Variants in PDE10A observed in about 807,000 individuals in gnomAD.
PDE10A encodes phosphodiesterase 10A.
A neutral mutation model predicts 97.7 loss-of-function variants in PDE10A; 39 were observed. That is an observed-to-expected ratio of 0.40 (90% CI 0.31 to 0.52). The LOEUF (loss-of-function observed/expected upper bound fraction) is 0.52, where lower values mean the gene tolerates loss of function less well. Ranked by LOEUF, PDE10A falls within the 20% of genes least tolerant of loss-of-function variation. The pLI, the probability that PDE10A is intolerant of heterozygous loss-of-function variation, is 0.56. For missense variants in PDE10A, 731 were observed against 1,047.8 expected (o/e 0.70, Z 4.17); for synonymous variants, 371 against 376.8 (o/e 0.98, Z 0.18).
chr6:165,899,160 A>C (rs962680688), intron 1 of PDE10A, among the ~76,000 whole-genome samples: 2 of 152,226 alleles, frequency 1.3e-5, no homozygotes, highest in Non-Finnish European at 2.9e-5. Context: ...GAATGCAAGC[A>C]TACTAGTTAA....
At chr6:165,486,295 A>G (rs1779913514) in intron 2 of PDE10A, among the ~76,000 whole-genome samples, 1 of 152,234 alleles carries the variant, frequency 6.6e-6, no homozygotes, top group East Asian at 1.9e-4. Context: ...GAATGATTAC[A>G]TATCAGAAAA....
chr6:165,412,050 C>T (rs2128226949), intron 13 of PDE10A, among the ~76,000 whole-genome samples: 1 of 151,708 alleles, frequency 6.6e-6, no homozygotes, highest in East Asian at 1.9e-4. Flanking sequence ...TATTTTTTGA[C>T]ATCTATCAAA....
chr6:165,497,587 C>T (rs1160859452), intron 2 of PDE10A, among the ~76,000 whole-genome samples: 1 of 152,158 alleles, frequency 6.6e-6, no homozygotes, highest in Non-Finnish European at 1.5e-5. Flanking sequence ...GACACAACCA[C>T]GTATATACGA....
chr6:165,463,683 C>CA (rs750596531), intron 3 of PDE10A, among the ~76,000 whole-genome samples: 3 of 151,758 alleles, frequency 2.0e-5, no homozygotes, highest in African/African-American at 4.9e-5. Context: ...AAGCCCCCCC[C>CA]AAAAATCTGG....
chr6:165,459,251 T>C (rs778152769), intron 3 of PDE10A, among the ~76,000 whole-genome samples: 14 of 152,266 alleles, frequency 9.2e-5, no homozygotes, highest in East Asian at 7.7e-4. Context: ...GTCATTTAAT[T>C]TGATGCTCAA....
chr6:165,654,174 C>T (rs1433200461), intron 1 of PDE10A, among the ~76,000 whole-genome samples: 1 of 152,196 alleles, frequency 6.6e-6, no homozygotes, highest in Non-Finnish European at 1.5e-5. Context: ...TCCGATCCCC[C>T]CTGTACACCG....
intron 1 of PDE10A, among the ~76,000 whole-genome samples, chr6:165,797,193 T>C (rs1230036936): frequency 2.0e-5 from 3 of 152,202 alleles, no homozygotes; most frequent in Non-Finnish European, 2.9e-5. Context: ...GTGTGGCTCA[T>C]GGTGTCTCCC....
chr6:165,688,529 G>T (rs1228849853), intron 1 of PDE10A, among the ~76,000 whole-genome samples: 1 of 152,224 alleles, frequency 6.6e-6, no homozygotes, highest in Non-Finnish European at 1.5e-5. Context: ...CATGGGCCCA[G>T]TGGGGCTTCA....
At chr6:165,646,825 C>G (rs1789422697) in intron 1 of PDE10A, among the ~76,000 whole-genome samples, 1 of 152,146 alleles carries the variant, frequency 6.6e-6, no homozygotes, top group African/African-American at 2.4e-5. Flanking sequence ...GAGACAGAAG[C>G]CAACCATTTT....
At chr6:165,987,769 G>A (rs908216825) in exon 1 of PDE10A, 1 of 453,364 alleles carries the variant, frequency 2.2e-6, no homozygotes, top group Non-Finnish European at 4.4e-6. Context: ...AAGGCTTGGG[G>A]CACTCTGGGG....
chr6:165,394,825 T>C (rs1786015767), intron 15 of PDE10A, among the ~76,000 whole-genome samples: 1 of 152,204 alleles, frequency 6.6e-6, no homozygotes, highest in Non-Finnish European at 1.5e-5. Flanking sequence ...CCAGTGATGA[T>C]GAGATTTTTT....
chr6:165,930,278 C>A (rs1177341124), intron 1 of PDE10A, among the ~76,000 whole-genome samples: 2 of 152,216 alleles, frequency 1.3e-5, no homozygotes, highest in Non-Finnish European at 2.9e-5. Flanking sequence ...GCATTCATAG[C>A]CCTTTTCACC....
Position 165,714,129 on chromosome 6 carries a change from A to G in PDE10A, c.-614-170561T>C, listed in dbSNP as rs530761449. 1.1e-4 allele frequency among the ~76,000 whole-genome samples: 16 copies of G among 152,336 alleles called. No individual in the cohort carries two copies. In the South Asian group the frequency reaches 3.3e-3, roughly 32 times the overall value. On this transcript the variant is annotated intron_variant, in intron 1 of 19. Transcript: ENST00000366882. ...CAAAAACCAAAACCAACCAAATGGC[A>G]GGGGTCCCCTATTGCGTATCTGCAT... is the stretch of plus-strand genomic sequence containing the variant.
intron 1 of PDE10A, among the ~76,000 whole-genome samples, chr6:165,620,474 TG>T (rs1259146615): frequency 6.6e-6 from 1 of 152,122 alleles, no homozygotes; most frequent in Non-Finnish European, 1.5e-5. Flanking sequence ...CAGGTCACTG[TG>T]GAAAACCTAG....
At chr6:165,813,986 C>G (rs1035924459) in intron 1 of PDE10A, among the ~76,000 whole-genome samples, 1 of 152,158 alleles carries the variant, frequency 6.6e-6, no homozygotes, top group African/African-American at 2.4e-5. Context: ...ATAGGTTTTG[C>G]TATTGCTGGG....
At chr6:165,362,851 A>G (rs1324374832) in intron 18 of PDE10A, among the ~76,000 whole-genome samples, 1 of 152,184 alleles carries the variant, frequency 6.6e-6, no homozygotes, top group Non-Finnish European at 1.5e-5. Context: ...AATATATAGA[A>G]CAACTATACA....
At chr6:165,744,304 T>C (rs1792796337) in intron 1 of PDE10A, among the ~76,000 whole-genome samples, 1 of 152,158 alleles carries the variant, frequency 6.6e-6, no homozygotes, top group African/African-American at 2.4e-5. Context: ...TAAGAACACA[T>C]AGTAAAGACT....
chr6:165,493,937 A>C (rs985773645), intron 2 of PDE10A, among the ~76,000 whole-genome samples: 10 of 152,102 alleles, frequency 6.6e-5, no homozygotes, highest in Admixed American at 5.2e-4. Flanking sequence ...GAAAGGACTA[A>C]TATCCAGAAT....
At chr6:165,462,150 C>G (rs1778362455) in intron 3 of PDE10A, among the ~76,000 whole-genome samples, 1 of 152,166 alleles carries the variant, frequency 6.6e-6, no homozygotes, top group African/African-American at 2.4e-5. Flanking sequence ...TTACATTTTT[C>G]TCTATGTGGA....
Sources: gnomAD v4.1 joint callset for allele counts (sites outside exome capture counted in the v4.1 genomes callset) on GRCh38, gnomAD v4.1.1 for gene constraint, MANE v1.5 for transcripts, NCBI Gene and HGNC (gene_info 2026-07-23, HGNC 2026-07-21) for gene names.